Variants in REPIN1 observed in about 807,000 individuals in gnomAD.
The protein encoded by REPIN1 is DNA-binding protein REPIN1.
REPIN1 carries 4 observed loss-of-function variants against 5.7 expected under a neutral mutation model. The observed-to-expected ratio is 0.71, with a 90% confidence interval of 0.35 to 1.62. The LOEUF (loss-of-function observed/expected upper bound fraction) is 1.62, where lower values mean the gene tolerates loss of function less well. REPIN1 is among the 40% of genes most tolerant of loss of function. The probability of loss-of-function intolerance (pLI) is 0.05; values close to 1 mark genes in which losing one functional copy is unlikely to be tolerated. For missense variants in REPIN1, 854 were observed against 901.0 expected (o/e 0.95, Z 0.67); for synonymous variants, 410 against 386.2 (o/e 1.06, Z -0.72).
rs778556584 is a variant in REPIN1 at position 150,371,263 on chromosome 7, G to A, written c.193G>A (p.Gly65Ser). The A allele has an allele frequency of 6.3e-7, 1 of 1,599,868 alleles. No homozygotes were observed. Among genetic ancestry groups the A allele is most frequent in the South Asian group, 1.1e-5 (1 of 89,506 alleles). Residue 65 changes from glycine to serine, a missense_variant, in exon 3 of 3, where the codon GGC becomes AGC. Physicochemically the swap from Gly to Ser is moderately conservative, Grantham distance 56 (BLOSUM62 0). This residue lies in a region of REPIN1 where 409 missense variants were observed against 418.6 expected (regional missense o/e 0.98). Transcript: ENST00000489432. ...EEPMLERRCRGPLAMGLAQPR... is the reference protein window; with the variant it reads ...EEPMLERRCRSPLAMGLAQPR... The stretch of plus-strand genomic sequence containing the variant: ...ACCGATGCTGGAACGTCGTTGCAGG[G>A]GCCCCCTGGCCATGGGCCTGGCCCA...
chr7:150,372,678 C>T lies in REPIN1; in HGVS notation c.1608C>T (p.Arg536=), dbSNP rs766253840. 3 of 1,612,526 alleles carry T rather than the reference C, an allele frequency of 1.9e-6. No individual in the cohort carries two copies. Among genetic ancestry groups the T allele is most frequent in the Admixed American group, 1.7e-5 (1 of 60,002 alleles). The change falls in exon 3 of 3, where the codon CGC becomes CGT. Residue 536 remains arginine, a synonymous_variant. Coordinates refer to ENST00000489432, the MANE Select transcript of REPIN1 (RefSeq NM_001099695.2). ...RHKPYLAAHR[R]IHTGEKPYVC... is the part of the protein sequence containing the mutation. ...AACCCTACCTGGCGGCGCACCGGCGCATCCACACCGGCGAGAAGCCCTACG... is the reference window on the plus strand; with the variant it reads ...AACCCTACCTGGCGGCGCACCGGCGTATCCACACCGGCGAGAAGCCCTACG...
rs754619019 is a variant in REPIN1, at chr7:150,372,356, C to G, written c.1286C>G (p.Pro429Arg). 111 of 1,504,662 alleles carry G rather than the reference C, an allele frequency of 7.4e-5. 2 individuals carry two copies. The highest frequency in any genetic ancestry group is 4.4e-4 in the South Asian group (35 of 79,726). 93.2% of individuals were successfully genotyped at this position (1,504,662 alleles called of 1,614,324 possible). Residue 429 changes from proline to arginine, a missense_variant, in exon 3 of 3, where the codon CCC (proline) becomes CGC (arginine). Coordinates refer to ENST00000489432, the MANE Select transcript of REPIN1 (RefSeq NM_001099695.2). ...CCGCAGGACCCGATCGAAGCCCCCC[C>G]CTCCCTCTACAGCTGCGACGACTGC... ...EHPQDPIEAP[P>R]SLYSCDDCGR...
intron 2 of REPIN1, chr7:150,370,465 C>T: frequency 2.3e-6 from 1 of 438,568 alleles, no homozygotes; most frequent in Non-Finnish European, 4.2e-6. Context: ...GGGAGTAGCA[C>T]CCAGGGCTCT....
At position 150,371,660 on chromosome 7, in the gene REPIN1, C is replaced by T; in HGVS notation, c.590C>T (p.Ala197Val). 6.2e-7 allele frequency: 1 copy of T among 1,605,174 alleles called. No homozygotes were observed. Among genetic ancestry groups the T allele is most frequent in the Non-Finnish European group, 8.5e-7 (1 of 1,179,448 alleles). ...ALVLHLRAHS[A>V]AKRPIACPKC... ...GTTCTGCATCTGCGGGCCCATTCAG[C>T]TGCAAAGCGGCCCATCGCTTGTCCC... Residue 197 changes from alanine to valine, a missense_variant, in exon 3 of 3, where the codon GCT (alanine) becomes GTT (valine). This residue lies in a region of REPIN1 where 409 missense variants were observed against 418.6 expected (regional missense o/e 0.98). Transcript: ENST00000489432.
chr7:150,368,351 C>G (rs1441039685), upstream of REPIN1: 2 of 152,140 alleles, frequency 1.3e-5, no homozygotes, highest in African/African-American at 4.8e-5. Context: ...CCGCCGCGGC[C>G]GCAAGCGTCC....
Position 150,372,403 on chromosome 7 carries a change from C to G in REPIN1, c.1333C>G (p.Arg445Gly). The G allele has an allele frequency of 1.3e-6, 2 of 1,486,528 alleles. No homozygotes were observed. Among genetic ancestry groups the G allele is most frequent in the Non-Finnish European group, 1.8e-6 (2 of 1,125,612 alleles). 92.1% of individuals were successfully genotyped at this position (1,486,528 alleles called of 1,614,324 possible). A position where few individuals can be genotyped will look rare whatever the true frequency, so the allele number is the denominator to read the frequency against. Residue 445 changes from arginine (R) to glycine (G), a missense_variant, in exon 3 of 3, where the codon CGC becomes GGC. Arg to Gly is a moderately radical substitution (Grantham distance 125, BLOSUM62 -2). Around this residue, in one of 5 missense-constraint regions of REPIN1, gnomAD observed 327 missense variants for 307.8 expected, o/e 1.06. Coordinates refer to ENST00000489432, the MANE Select transcript of REPIN1 (RefSeq NM_001099695.2). The stretch of plus-strand genomic sequence containing the variant: ...CTGCGGCAGGAGCTTCCGGCTGGAG[C>G]GCTTCCTGCGGGCCCACCAGCGGCA... ...DDCGRSFRLE[R>G]FLRAHQRQHT... is the part of the protein sequence containing the mutation.
chr7:150,370,522 C>T, intron 2 of REPIN1: 1 of 538,992 alleles, frequency 1.9e-6, no homozygotes, highest in South Asian at 2.1e-5. Flanking sequence ...CTCCAGCCTC[C>T]TACGGAGACT....
Position 150,372,357 on chromosome 7 carries a change from C to T in REPIN1, c.1287C>T (p.Pro429=), listed in dbSNP as rs765944276. ...CGCAGGACCCGATCGAAGCCCCCCC[C>T]TCCCTCTACAGCTGCGACGACTGCG... is the stretch of plus-strand genomic sequence containing the variant. ...EHPQDPIEAP[P]SLYSCDDCGR... Residue 429 remains proline, a synonymous_variant, in exon 3 of 3, where the codon CCC becomes CCT. Transcript: ENST00000489432. 11 of 1,505,020 alleles carry T rather than the reference C, an allele frequency of 7.3e-6. No individual in the cohort carries two copies. In the Admixed American group the frequency reaches 1.1e-4, roughly 16 times the overall value. 93.2% of individuals were successfully genotyped at this position (1,505,020 alleles called of 1,614,324 possible).
At chr7:150,369,639 C>T (rs1368294243) in intron 1 of REPIN1, 32 bp from the exon 2 acceptor site, 6 of 1,598,940 alleles carry the variant, frequency 3.8e-6, no homozygotes, top group Non-Finnish European at 4.3e-6. Context: ...GAGCTCAGAG[C>T]CTCACTTCTG....
chr7:150,370,066 G>A (rs1469633927), intron 2 of REPIN1, 198 bp downstream of exon 2: 12 of 628,936 alleles, frequency 1.9e-5, no homozygotes, highest in Admixed American at 3.1e-5. Flanking sequence ...GATGTGTCTG[G>A]AGCTTGTGAG....
chr7:150,370,891 C>A, intron 2 of REPIN1: 1 of 700,100 alleles, frequency 1.4e-6, no homozygotes, highest in East Asian at 2.7e-5. Context: ...TCTGGTGAGT[C>A]CTGTGGCAGG....
At chr7:150,368,412 C>T (rs956083310), upstream of REPIN1, 18 of 151,948 alleles carry the variant, frequency 1.2e-4, no homozygotes, top group African/African-American at 4.4e-4. Flanking sequence ...AACGACGCTC[C>T]GGGGGCTTGC....
Position 150,372,434 on chromosome 7 carries a change from C to G in REPIN1, c.1364C>G (p.Thr455Ser), listed in dbSNP as rs761915632. 3 of 1,511,716 alleles carry G rather than the reference C, an allele frequency of 2.0e-6. No individual in the cohort carries two copies. Among genetic ancestry groups the G allele is most frequent in the East Asian group, 2.4e-5 (1 of 41,786 alleles). 93.6% of individuals were successfully genotyped at this position (1,511,716 alleles called of 1,614,324 possible). ...RFLRAHQRQH[T>S]GERPFTCAEC... is the part of the protein sequence containing the mutation. ...CTGCGGGCCCACCAGCGGCAGCACA[C>G]CGGGGAGCGGCCCTTCACCTGCGCC... The change falls in exon 3 of 3, where the codon ACC becomes AGC. Residue 455 changes from threonine (T) to serine (S), a missense_variant. By Grantham distance (58) the Thr-to-Ser change is moderately conservative (BLOSUM62 1). Transcript: ENST00000489432.
At position 150,372,352 on chromosome 7, in the gene REPIN1, C is replaced by A. The variant is rs774385721; in HGVS notation, c.1282C>A (p.Pro428Thr). 1 of 1,507,336 alleles carries A rather than the reference C, an allele frequency of 6.6e-7. No homozygotes were observed. The highest frequency in any genetic ancestry group is 1.2e-5 in the South Asian group (1 of 80,278). The allele number at this position is 1,507,336 out of a possible 1,614,324, so 93.4% of individuals were successfully genotyped here. ...GCACCCGCAGGACCCGATCGAAGCC[C>A]CCCCCTCCCTCTACAGCTGCGACGA... is the stretch of plus-strand genomic sequence containing the variant. ...PEHPQDPIEA[P>T]PSLYSCDDCG... The change falls in exon 3 of 3, where the codon CCC (proline) becomes ACC (threonine). Residue 428 changes from proline to threonine, a missense_variant. By Grantham distance (38) the Pro-to-Thr change is conservative (BLOSUM62 -1). Around this residue, in one of 5 missense-constraint regions of REPIN1, gnomAD observed 327 missense variants for 307.8 expected, o/e 1.06. Transcript: ENST00000489432.
At position 150,372,455 on chromosome 7, in the gene REPIN1, G is replaced by A. The variant is rs889999790; in HGVS notation, c.1385G>A (p.Cys462Tyr). The change falls in exon 3 of 3, where the codon TGC becomes TAC. Residue 462 changes from cysteine to tyrosine, a missense_variant. Cys to Tyr is a radical substitution (Grantham distance 194, BLOSUM62 -2). Transcript: ENST00000489432. Reference protein sequence around the residue: ...RQHTGERPFTCAECGKNFGKK... With the variant: ...RQHTGERPFTYAECGKNFGKK... ...CACACCGGGGAGCGGCCCTTCACCT[G>A]CGCCGAGTGCGGGAAGAACTTCGGC... The A allele has an allele frequency of 6.5e-7, 1 of 1,531,974 alleles. No homozygotes were observed. The highest frequency in any genetic ancestry group is 8.7e-7 in the Non-Finnish European group (1 of 1,145,778). 94.9% of individuals were successfully genotyped at this position (1,531,974 alleles called of 1,614,324 possible).
At chr7:150,369,548 G>A (rs1799297688) in intron 1 of REPIN1, 123 bp from the exon 2 acceptor site, 1 of 796,490 alleles carries the variant, frequency 1.3e-6, no homozygotes, top group Admixed American at 2.1e-5. Flanking sequence ...CAGGCAGGAT[G>A]TGGGGCTTAT....
intron 2 of REPIN1, chr7:150,370,472 C>T: frequency 2.2e-6 from 1 of 450,762 alleles, no homozygotes. Context: ...GCACCCAGGG[C>T]TCTGCTCCTG....
intron 2 of REPIN1, chr7:150,370,815 G>C (rs1348215130): frequency 1.4e-6 from 1 of 702,276 alleles, no homozygotes; most frequent in Admixed American, 2.0e-5. Flanking sequence ...CTCGGATGTG[G>C]CATAGGAAAC....
At position 150,369,681 on chromosome 7, in the gene REPIN1, C is replaced by T. The variant is rs1799330000; in HGVS notation, c.-31C>T. 3.1e-6 allele frequency: 5 copies of T among 1,613,634 alleles called. No individual in the cohort carries two copies. The East Asian group carries it at 1.1e-4, about 36-fold the overall frequency. On this transcript the variant is annotated 5_prime_UTR_variant, in exon 2 of 3. Coordinates refer to ENST00000489432, the MANE Select transcript of REPIN1 (RefSeq NM_001099695.2). The stretch of plus-strand genomic sequence containing the variant: ...CTTCCCTCCCCACAGGTAAGGCTGG[C>T]CTCTCTGCAGTCAGAGGTCTGAGCT...
Sources: gnomAD v4.1 joint callset for allele counts on GRCh38, gnomAD v4.1.1 for gene constraint, gnomAD v4.1.1 regional missense constraint, MANE v1.5 for transcripts, NCBI Gene and HGNC (gene_info 2026-07-23, HGNC 2026-07-21) for gene names.